Variants in RANBP17 observed in about 807,000 individuals in gnomAD.
The protein encoded by RANBP17 is RAN binding protein 17.
A neutral mutation model predicts 141.2 loss-of-function variants in RANBP17; 158 were observed. The ratio of observed to expected loss-of-function variants is 1.12; its 90% CI spans 0.98 to 1.28. The LOEUF is 1.28. RANBP17 is among the 50% of genes most tolerant of loss of function. The probability of loss-of-function intolerance (pLI) is 0.00; values close to 1 mark genes in which losing one functional copy is unlikely to be tolerated. For synonymous variants in RANBP17, 430 were observed against 450.0 expected (o/e 0.96, Z 0.56); for missense variants, 1,438 against 1,290.7 (o/e 1.11, Z -1.75).
chr5:171,025,373 T>A (rs751680191), intron 14 of RANBP17, among the ~76,000 whole-genome samples: 9 of 152,194 alleles, frequency 5.9e-5, no homozygotes, highest in Non-Finnish European at 1.2e-4. Context: ...TTCCTTTTTC[T>A]AGGTAATCTG....
chr5:170,892,632 A>G, intron 4 of RANBP17, 79 bp downstream of exon 4: 2 of 1,137,570 alleles, frequency 1.8e-6, no homozygotes, highest in South Asian at 1.7e-5. Context: ...TTAAAGCGAT[A>G]TAGTTTGTTT....
intron 5 of RANBP17, among the ~76,000 whole-genome samples, chr5:170,905,838 C>T (rs750578752): frequency 3.3e-5 from 5 of 152,056 alleles, no homozygotes; most frequent in African/African-American, 4.8e-5. Context: ...TCATGCTTCT[C>T]AGCATAATAG....
intron 22 of RANBP17, among the ~76,000 whole-genome samples, chr5:171,225,386 C>T (rs1308331880): frequency 6.6e-6 from 1 of 152,224 alleles, no homozygotes; most frequent in South Asian, 2.1e-4. Flanking sequence ...TTCTTAACCT[C>T]TACTGATTCT....
At chr5:170,984,982 GAC>G (rs1222010452) in intron 14 of RANBP17, among the ~76,000 whole-genome samples, 5 of 151,172 alleles carry the variant, frequency 3.3e-5, no homozygotes, top group Admixed American at 6.6e-5. Flanking sequence ...CACACACAAA[GAC>G]ACACACATAT....
chr5:171,033,627 T>G (rs572205929), intron 14 of RANBP17, among the ~76,000 whole-genome samples: 1 of 152,118 alleles, frequency 6.6e-6, no homozygotes, highest in African/African-American at 2.4e-5. Context: ...TTTTATTTAT[T>G]TATTTAGTGT....
intron 14 of RANBP17, among the ~76,000 whole-genome samples, chr5:171,159,063 C>G (rs1759105498): frequency 6.6e-6 from 1 of 152,120 alleles, no homozygotes; most frequent in Non-Finnish European, 1.5e-5. Flanking sequence ...ATTACATTTT[C>G]TCATTTAGTC....
Position 171,125,157 on chromosome 5 carries a change from C to T in RANBP17, c.1711-44973C>T, listed in dbSNP as rs149169489. On this transcript the variant is annotated intron_variant, in intron 14 of 27. Coordinates refer to ENST00000523189, the MANE Select transcript of RANBP17 (RefSeq NM_022897.5). ...TGAAAAAATACAAAAATTAGCCAGG[C>T]GTGGTGGCAGATGCCTATAATCCCA... Among the ~76,000 whole-genome samples the T allele has an allele frequency of 5.4e-3, 816 of 151,962 alleles. 9 individuals are homozygous for T. Among genetic ancestry groups the T allele is most frequent in the African/African-American group, 0.018 (741 of 41,454 alleles).
chr5:171,068,952 G>C (rs1001862298), intron 14 of RANBP17, among the ~76,000 whole-genome samples: 1 of 152,072 alleles, frequency 6.6e-6, no homozygotes, highest in African/African-American at 2.4e-5. Context: ...CTATTTTTGC[G>C]AAAACTATCC....
intron 1 of RANBP17, among the ~76,000 whole-genome samples, chr5:170,872,390 T>C (rs1214971911): frequency 2.0e-5 from 3 of 152,240 alleles, no homozygotes; most frequent in Middle Eastern, 3.2e-3. Flanking sequence ...TGAAATTGCT[T>C]ATCAGCTTAA....
intron 12 of RANBP17, among the ~76,000 whole-genome samples, chr5:170,939,739 A>G (rs887721904): frequency 2.6e-5 from 4 of 152,148 alleles, no homozygotes; most frequent in Admixed American, 6.6e-5. Flanking sequence ...GATTATGTGT[A>G]ATTTGTGGAA....
At chr5:170,977,758 CAT>C (rs759595611) in intron 14 of RANBP17, among the ~76,000 whole-genome samples, 10 of 152,054 alleles carry the variant, frequency 6.6e-5, no homozygotes, top group Non-Finnish European at 1.3e-4. Context: ...ACAAATACCA[CAT>C]GATTCCAGTG....
intron 14 of RANBP17, among the ~76,000 whole-genome samples, chr5:170,969,360 G>C (rs566040845): frequency 6.6e-6 from 1 of 151,898 alleles, no homozygotes; most frequent in East Asian, 1.9e-4. Context: ...CCATTTGGAA[G>C]AAAAAGAGTA....
intron 14 of RANBP17, among the ~76,000 whole-genome samples, chr5:171,089,264 G>C (rs1172409819): frequency 1.5e-3 from 149 of 100,750 alleles, no homozygotes; most frequent in Middle Eastern, 5.7e-3. Flanking sequence ...TCCCAGTTAG[G>C]CTGCTCGGGG....
chr5:171,141,911 C>G (rs1044497330), intron 14 of RANBP17, among the ~76,000 whole-genome samples: 4 of 152,096 alleles, frequency 2.6e-5, no homozygotes, highest in African/African-American at 9.7e-5. Flanking sequence ...TATATACTTT[C>G]ATTTTTTGGT....
chr5:171,028,808 A>T, intron 14 of RANBP17: 1 of 783,436 alleles, frequency 1.3e-6, no homozygotes, highest in Non-Finnish European at 1.9e-6. Context: ...TCCCTCTCCT[A>T]AGAAAGGAGA....
chr5:171,054,481 G>A (rs1280783066), intron 14 of RANBP17, among the ~76,000 whole-genome samples: 1 of 152,166 alleles, frequency 6.6e-6, no homozygotes, highest in Non-Finnish European at 1.5e-5. Context: ...AATTGTCATG[G>A]CACTAGTGGG....
intron 14 of RANBP17, among the ~76,000 whole-genome samples, chr5:171,047,525 C>T (rs1782675065): frequency 6.6e-6 from 1 of 150,562 alleles, no homozygotes; most frequent in Non-Finnish European, 1.5e-5. Context: ...CAACCTCCCT[C>T]CACCTCCCGG....
intron 14 of RANBP17, among the ~76,000 whole-genome samples, chr5:171,007,260 C>A (rs1036747478): frequency 6.6e-6 from 1 of 152,100 alleles, no homozygotes; most frequent in Admixed American, 6.5e-5. Context: ...GGCACACGTA[C>A]CCTGACTGTT....
intron 14 of RANBP17, among the ~76,000 whole-genome samples, chr5:171,163,274 T>C (rs1470494861): frequency 6.6e-6 from 1 of 152,220 alleles, no homozygotes; most frequent in Non-Finnish European, 1.5e-5. Flanking sequence ...GTCACTAAGT[T>C]TGTGTATTTA....
Sources: gnomAD v4.1 joint callset for allele counts (sites outside exome capture counted in the v4.1 genomes callset) on GRCh38, gnomAD v4.1.1 for gene constraint, MANE v1.5 for transcripts, NCBI Gene and HGNC (gene_info 2026-07-23, HGNC 2026-07-21) for gene names.